The following ASIC2 variants were observed in gnomAD, a reference collection of about 807,000 sequenced individuals.
ASIC2 encodes acid-sensing ion channel 2.
Under a neutral mutation model 57.3 loss-of-function variants are expected in ASIC2, and 25 were observed. That is an observed-to-expected ratio of 0.44 (90% CI 0.32 to 0.61). The LOEUF (loss-of-function observed/expected upper bound fraction) is 0.61. Among genes scored for constraint, ASIC2 ranks in the 20% least tolerant of loss-of-function variants. The pLI is 0.06. For synonymous variants in ASIC2, 319 were observed against 307.5 expected (o/e 1.04, Z -0.39); for missense variants, 641 against 738.1 (o/e 0.87, Z 1.52).
intron 1 of ASIC2, among the ~76,000 whole-genome samples, chr17:33,668,658 T>C (rs1907557014): frequency 6.6e-6 from 1 of 152,182 alleles, no homozygotes; most frequent in Admixed American, 6.5e-5. Flanking sequence ...TATTGACAGG[T>C]TCCCAGGATC....
chr17:33,130,628 G>A (rs1427472729), intron 1 of ASIC2, among the ~76,000 whole-genome samples: 1 of 152,156 alleles, frequency 6.6e-6, no homozygotes, highest in African/African-American at 2.4e-5. Context: ...GATATTGGAG[G>A]ATATTGTCAA....
chr17:33,782,610 TC>T (rs568602286), intron 1 of ASIC2, among the ~76,000 whole-genome samples: 163 of 152,144 alleles, frequency 1.1e-3, no homozygotes, highest in African/African-American at 3.7e-3. Context: ...ATGCCTGTGG[TC>T]CCAGCTACTT....
At chr17:33,965,338 TTC>T (rs369192848) in intron 1 of ASIC2, among the ~76,000 whole-genome samples, 77 of 151,752 alleles carry the variant, frequency 5.1e-4, no homozygotes, top group African/African-American at 1.8e-3. Flanking sequence ...TGGATTTTTT[TTC>T]TTTTTCTAAT....
At chr17:33,316,013 G>C (rs1418512025) in intron 1 of ASIC2, among the ~76,000 whole-genome samples, 1 of 152,196 alleles carries the variant, frequency 6.6e-6, no homozygotes, top group Non-Finnish European at 1.5e-5. Context: ...TGTGCATTGA[G>C]TGAGCACACA....
intron 1 of ASIC2, among the ~76,000 whole-genome samples, chr17:33,412,839 T>C (rs1157296109): frequency 1.3e-5 from 2 of 152,164 alleles, no homozygotes; most frequent in African/African-American, 4.8e-5. Context: ...GAAGGAGCTC[T>C]GTGCAACTAG....
At chr17:33,504,331 G>A (rs955784814) in intron 1 of ASIC2, among the ~76,000 whole-genome samples, 1 of 152,086 alleles carries the variant, frequency 6.6e-6, no homozygotes, top group African/African-American at 2.4e-5. Flanking sequence ...GCCTGAAATC[G>A]TGTTAGTATC....
At position 33,515,817 on chromosome 17, in the gene ASIC2, C is replaced by T. The variant is rs1372750564; in HGVS notation, c.556-403750G>A. Among the ~76,000 whole-genome samples the T allele has an allele frequency of 5.3e-5, 8 of 152,120 alleles. No individual in the cohort carries two copies. The South Asian group carries it at 6.2e-4, about 12-fold the overall frequency. The stretch of plus-strand genomic sequence containing the variant: ...GTCCTGTTCTGAAGAATGCAGAGGC[C>T]GGGTGCGGTGGCTCACGCCTGTAAT... On this transcript the variant is annotated intron_variant, in intron 1 of 9. Coordinates refer to the ASIC2 transcript ENST00000359872.
intron 1 of ASIC2, among the ~76,000 whole-genome samples, chr17:33,127,373 A>G (rs1053145395): frequency 6.6e-6 from 1 of 152,190 alleles, no homozygotes; most frequent in Non-Finnish European, 1.5e-5. Flanking sequence ...CAATGGAACA[A>G]TACCTAAGAT....
chr17:33,396,754 A>C (rs1463188538), intron 1 of ASIC2, among the ~76,000 whole-genome samples: 1 of 152,204 alleles, frequency 6.6e-6, no homozygotes, highest in Non-Finnish European at 1.5e-5. Flanking sequence ...TCTTTCATAT[A>C]ATCCTGAAAA....
chr17:33,610,661 T>C (rs1905375850), intron 1 of ASIC2, among the ~76,000 whole-genome samples: 1 of 151,738 alleles, frequency 6.6e-6, no homozygotes, highest in Non-Finnish European at 1.5e-5. Context: ...CCCAGGAGTT[T>C]GAAACCAGCC....
Position 33,186,114 on chromosome 17 carries a change from AT to A in ASIC2, c.709-74048del, listed in dbSNP as rs1039947436. On this transcript the variant is annotated intron_variant, in intron 1 of 9. Coordinates refer to ENST00000225823, the MANE Select transcript of ASIC2 (RefSeq NM_183377.2). The stretch of plus-strand genomic sequence containing the variant: ...AATAAATGTGGTTATGTTCTACACC[AT>A]TTTTTTTTTCTTTGAGACAGAGTCT... Among the ~76,000 whole-genome samples the A allele has an allele frequency of 4.0e-3, 593 of 150,086 alleles. 5 individuals carry two copies. Among genetic ancestry groups the A allele is most frequent in the African/African-American group, 0.014 (564 of 40,986 alleles).
chr17:33,509,967 G>A (rs948308328), intron 1 of ASIC2, among the ~76,000 whole-genome samples: 2 of 152,230 alleles, frequency 1.3e-5, no homozygotes, highest in African/African-American at 4.8e-5. Context: ...CTTAAGAGTA[G>A]ATAGTACTGT....
Position 33,291,051 on chromosome 17 carries a change from G to A in ASIC2, c.708+357C>T, listed in dbSNP as rs545688767. ...AAGAGATCTACACTCCAAACACAGAGCAGTTTCTTGGAGTCCTGAGGGCCT... is the reference window on the plus strand; with the variant it reads ...AAGAGATCTACACTCCAAACACAGAACAGTTTCTTGGAGTCCTGAGGGCCT... On this transcript the variant is annotated intron_variant, in intron 1 of 9. Coordinates refer to ENST00000225823, the MANE Select transcript of ASIC2 (RefSeq NM_183377.2). The A allele has an allele frequency of 3.0e-4, 79 of 267,230 alleles. No homozygotes were observed. The East Asian group carries it at 5.2e-3, about 17-fold the overall frequency. The allele number at this position is 267,230 out of a possible 1,614,324, so 16.6% of individuals were successfully genotyped here. A position where few individuals can be genotyped will look rare whatever the true frequency, so the allele number is the denominator to read the frequency against.
intron 1 of ASIC2, chr17:33,932,699 G>A (rs1915958285): frequency 2.0e-5 from 1 of 51,000 alleles, no homozygotes; most frequent in South Asian, 7.9e-4. Flanking sequence ...GGCAACAAAA[G>A]CGAAACTTTG....
intron 1 of ASIC2, among the ~76,000 whole-genome samples, chr17:33,495,353 G>A (rs781169209): frequency 6.6e-6 from 1 of 152,244 alleles, no homozygotes; most frequent in South Asian, 2.1e-4. Context: ...GGCAGCATTC[G>A]TCCTGGTCCT....
At chr17:33,668,326 C>T (rs1274742065) in intron 1 of ASIC2, among the ~76,000 whole-genome samples, 1 of 92,046 alleles carries the variant, frequency 1.1e-5, no homozygotes, top group Non-Finnish European at 2.1e-5. Context: ...AGAAAAAGAA[C>T]ACAACTTATT....
intron 1 of ASIC2, among the ~76,000 whole-genome samples, chr17:33,245,043 T>A (rs1439843188): frequency 1.3e-5 from 2 of 152,224 alleles, no homozygotes; most frequent in African/African-American, 4.8e-5. Context: ...TATTCTGTAA[T>A]AACGATCACA....
intron 1 of ASIC2, among the ~76,000 whole-genome samples, chr17:34,121,867 T>G (rs1911630916): frequency 6.6e-6 from 1 of 152,202 alleles, no homozygotes; most frequent in African/African-American, 2.4e-5. Context: ...TAACAAACAT[T>G]TACTTTCTTC....
At chr17:33,127,555 C>T (rs573148459) in intron 1 of ASIC2, among the ~76,000 whole-genome samples, 2 of 152,224 alleles carry the variant, frequency 1.3e-5, no homozygotes, top group East Asian at 3.9e-4. Flanking sequence ...TTTGCTCTAC[C>T]CCCAAATTCA....
Sources: allele counts gnomAD v4.1 joint callset (sites outside exome capture counted in the v4.1 genomes callset), GRCh38; gene constraint gnomAD v4.1.1; transcripts MANE v1.5; gene names NCBI Gene and HGNC (gene_info 2026-07-23, HGNC 2026-07-21).